NLGN1: variants seen among roughly 807,000 people sequenced by gnomAD.
NLGN1 encodes the protein neuroligin-1.
Under a neutral mutation model 65.5 loss-of-function variants are expected in NLGN1, and 12 were observed. The observed-to-expected ratio is 0.18, with a 90% CI of 0.12 to 0.30. The LOEUF (loss-of-function observed/expected upper bound fraction) is 0.30, where lower values mean the gene tolerates loss of function less well. NLGN1 is among the 10% of genes least tolerant of loss of function. The pLI is 1.00. For synonymous variants in NLGN1, 350 were observed against 359.5 expected (o/e 0.97, Z 0.30); for missense variants, 750 against 1,007.1 (o/e 0.74, Z 3.46).
At chr3:173,418,557 C>T (rs1577358904) in intron 1 of NLGN1, among the ~76,000 whole-genome samples, 1 of 152,214 alleles carries the variant, frequency 6.6e-6, no homozygotes, top group East Asian at 1.9e-4. Flanking sequence ...GATCTTTCTT[C>T]TCATTGTATA....
intron 4 of NLGN1, among the ~76,000 whole-genome samples, chr3:174,047,223 A>G (rs1382372289): frequency 1.3e-5 from 2 of 152,024 alleles, no homozygotes; most frequent in Non-Finnish European, 2.9e-5. Context: ...TACTGGTTGC[A>G]TTAATAGTAT....
intron 4 of NLGN1, among the ~76,000 whole-genome samples, chr3:174,215,905 C>T (rs760426110): frequency 6.6e-6 from 1 of 152,076 alleles, no homozygotes; most frequent in Non-Finnish European, 1.5e-5. Context: ...TCTCTCCATT[C>T]CTTTTACCTC....
At chr3:173,481,922 T>C (rs1727362424) in intron 2 of NLGN1, among the ~76,000 whole-genome samples, 1 of 151,922 alleles carries the variant, frequency 6.6e-6, no homozygotes, top group Non-Finnish European at 1.5e-5. Flanking sequence ...GCTTTAATTT[T>C]TATTTCTTTG....
chr3:174,199,004 C>T lies in NLGN1; in HGVS notation c.647-76311C>T, dbSNP rs764830163. ...CTGGAATTACAGCCATGTGCCACCA[C>T]GCCAGGCTAATTTTGTGTTTTTAGT... On this transcript the variant is annotated intron_variant, in intron 4 of 6. Coordinates refer to ENST00000457714, the Ensembl canonical transcript of NLGN1. Among the ~76,000 whole-genome samples, 16 of 152,166 alleles carry T rather than the reference C, an allele frequency of 1.1e-4. No homozygotes were observed. In the East Asian group the frequency reaches 2.3e-3, roughly 22 times the overall value.
intron 3 of NLGN1, among the ~76,000 whole-genome samples, chr3:173,679,041 G>A (rs1763569486): frequency 6.6e-6 from 1 of 151,546 alleles, no homozygotes; most frequent in South Asian, 2.1e-4. Flanking sequence ...TGAGTTTGAG[G>A]ACACTCAGGA....
intron 4 of NLGN1, among the ~76,000 whole-genome samples, chr3:174,266,326 G>C (rs1455896311): frequency 6.6e-6 from 1 of 152,088 alleles, no homozygotes; most frequent in Admixed American, 6.5e-5. Context: ...TTCTGCTCTT[G>C]TGTTAATTTG....
intron 2 of NLGN1, among the ~76,000 whole-genome samples, chr3:173,585,798 G>T (rs972614882): frequency 4.6e-5 from 7 of 152,142 alleles, no homozygotes; most frequent in Non-Finnish European, 1.0e-4. Context: ...ACTGAGCGGT[G>T]CGCGCGCGTT....
At chr3:174,171,075 G>A (rs1728435151) in intron 4 of NLGN1, among the ~76,000 whole-genome samples, 1 of 152,044 alleles carries the variant, frequency 6.6e-6, no homozygotes, top group Non-Finnish European at 1.5e-5. Flanking sequence ...GAATAGATAG[G>A]CAAATAAATT....
intron 4 of NLGN1, among the ~76,000 whole-genome samples, chr3:173,991,697 T>TCTGA (rs1721136168): frequency 6.6e-6 from 1 of 152,230 alleles, no homozygotes; most frequent in Admixed American, 6.5e-5. Flanking sequence ...CATACCTCAT[T>TCTGA]GAAGGCTCCG....
At chr3:173,435,108 A>G (rs930662206) in intron 2 of NLGN1, 3 of 152,630 alleles carry the variant, frequency 2.0e-5, no homozygotes, top group Admixed American at 2.0e-4. Context: ...TTTCCTTTCA[A>G]TCACTGAAGT....
chr3:174,231,906 A>G (rs778408089), intron 4 of NLGN1, among the ~76,000 whole-genome samples: 2 of 152,208 alleles, frequency 1.3e-5, no homozygotes, highest in East Asian at 3.9e-4. Flanking sequence ...ATGAAGTTAC[A>G]TATCCCTTAA....
chr3:174,193,570 G>A (rs993800695), intron 4 of NLGN1, among the ~76,000 whole-genome samples: 5 of 152,128 alleles, frequency 3.3e-5, no homozygotes, highest in Admixed American at 1.3e-4. Context: ...ATTGATCTTC[G>A]TCCTGTGCCT....
At chr3:174,203,448 T>C (rs1340232914) in intron 4 of NLGN1, among the ~76,000 whole-genome samples, 1 of 152,174 alleles carries the variant, frequency 6.6e-6, no homozygotes, top group Non-Finnish European at 1.5e-5. Context: ...TGTGGATGAA[T>C]CTTGTGAGAC....
chr3:173,880,616 T>A (rs567588901), intron 4 of NLGN1, among the ~76,000 whole-genome samples: 99 of 151,882 alleles, frequency 6.5e-4, no homozygotes, highest in Middle Eastern at 3.4e-3. Context: ...TTGCTAAAAA[T>A]CATTAACAAT....
chr3:173,992,424 T>TA (rs1721317934), intron 4 of NLGN1, among the ~76,000 whole-genome samples: 1 of 152,170 alleles, frequency 6.6e-6, no homozygotes, highest in African/African-American at 2.4e-5. Flanking sequence ...GTCTTTTTTT[T>TA]ACTCCACCCC....
intron 3 of NLGN1, among the ~76,000 whole-genome samples, chr3:173,708,907 G>A (rs1382983431): frequency 2.0e-5 from 3 of 152,118 alleles, no homozygotes; most frequent in East Asian, 3.8e-4. Context: ...AAACCAATGC[G>A]TTATTCGGTA....
chr3:173,679,571 G>C (rs908137083), intron 3 of NLGN1, among the ~76,000 whole-genome samples: 2 of 152,104 alleles, frequency 1.3e-5, no homozygotes, highest in African/African-American at 4.8e-5. Context: ...TGGAGAAGTA[G>C]ACTATACGCC....
chr3:174,017,531 C>T (rs1050241971), intron 4 of NLGN1, among the ~76,000 whole-genome samples: 24 of 152,150 alleles, frequency 1.6e-4, no homozygotes, highest in Non-Finnish European at 3.1e-4. Context: ...AACCTGCCCC[C>T]GATAATTCAA....
chr3:173,486,732 C>T lies in NLGN1; in HGVS notation c.-321+51654C>T, dbSNP rs570840696. Among the ~76,000 whole-genome samples the T allele has an allele frequency of 5.9e-5, 9 of 152,322 alleles. No homozygotes were observed. In the South Asian group the frequency reaches 6.2e-4, roughly 11 times the overall value. On this transcript the variant is annotated intron_variant, in intron 2 of 6. Transcript: ENST00000457714. ...TATCCTTCCACACTCCTGACTATCT[C>T]CTGCTCAAGGTGCAAACCTGAACAA...
Sources: gnomAD v4.1 joint callset for allele counts (sites outside exome capture counted in the v4.1 genomes callset) on GRCh38, gnomAD v4.1.1 for gene constraint, MANE v1.5 for transcripts, NCBI Gene and HGNC (gene_info 2026-07-23, HGNC 2026-07-21) for gene names.